Variants in WDR27 observed in about 807,000 individuals in gnomAD.
WDR27 encodes the protein WD repeat domain 27, also known as WD repeat-containing protein 27.
In WDR27, 100 loss-of-function variants were observed where a neutral mutation model predicts 114.4. That is an observed-to-expected ratio of 0.87 (90% CI 0.74 to 1.03). The LOEUF (loss-of-function observed/expected upper bound fraction) is 1.03, where lower values mean the gene tolerates loss of function less well. Among genes scored for constraint, WDR27 ranks in the 50% least tolerant of loss-of-function variants. The pLI is 0.00. For missense variants in WDR27, 1,129 were observed against 1,092.9 expected, an observed-to-expected ratio of 1.03 and a Z score of -0.47; for synonymous variants, 449 against 423.1, an observed-to-expected ratio of 1.06 and a Z score of -0.75.
intron 2 of WDR27, among the ~76,000 whole-genome samples, chr6:169,674,452 G>A (rs1315559039): frequency 6.6e-6 from 1 of 152,148 alleles, no homozygotes; most frequent in Non-Finnish European, 1.5e-5. Context: ...AAAACACTTA[G>A]TGGGATTAAC....
intron 25 of WDR27, among the ~76,000 whole-genome samples, chr6:169,553,247 G>A (rs555790936): frequency 4.6e-5 from 7 of 152,146 alleles, no homozygotes; most frequent in African/African-American, 1.4e-4. Flanking sequence ...CCTGCTCTAG[G>A]GAGCCGCCGA....
In WDR27 at chr6:169,509,361, G is replaced by A. The variant is rs1210263226; in HGVS notation, c.2646-51727C>T. 4.6e-5 allele frequency among the ~76,000 whole-genome samples: 7 copies of A among 152,120 alleles called. No individual in the cohort carries two copies. In the East Asian group the frequency reaches 7.7e-4, roughly 17 times the overall value. ...AAAAGAACAAAGCTGAAGGCATCAC[G>A]CTACCTGACTTCAAACTATACTACA... On this transcript the variant is annotated intron_variant, in intron 25 of 25. Transcript: ENST00000448612.
At chr6:169,583,009 GGACCATCTATA>G in intron 23 of WDR27, 75 bp from the exon 24 acceptor site, 1 of 1,305,914 alleles carries the variant, frequency 7.7e-7, no homozygotes, top group Non-Finnish European at 1.1e-6. Context: ...CAGAGCAGAG[GGACCATCTATA>G]GATTAGTGTA....
chr6:169,624,257 G>A (rs75729216), intron 21 of WDR27, among the ~76,000 whole-genome samples: 3,388 of 151,468 alleles, frequency 0.022, 71 homozygotes, highest in East Asian at 0.088. Context: ...CGTCAGGTGC[G>A]CAGTGTGTGG....
intron 21 of WDR27, among the ~76,000 whole-genome samples, chr6:169,615,730 T>C (rs1811668307): frequency 6.6e-6 from 1 of 152,138 alleles, no homozygotes; most frequent in African/African-American, 2.4e-5. Context: ...GGCAAAGATT[T>C]CATGACAAAG....
Position 169,687,294 on chromosome 6 carries a change from CAT to C in WDR27, c.189+1521_189+1522del, listed in dbSNP as rs1210291606. Among the ~76,000 whole-genome samples the C allele has an allele frequency of 5.3e-5, 8 of 151,964 alleles. No homozygotes were observed. In the East Asian group the frequency reaches 1.2e-3, roughly 22 times the overall value. On this transcript the variant is annotated intron_variant, in intron 2 of 25. Coordinates refer to ENST00000448612, the MANE Select transcript of WDR27 (RefSeq NM_182552.5). ...TACATGTCAATAAAAATTAAATTGC[CAT>C]ATGATTCTATTTACATAAAACTCTA...
intron 1 of WDR27, 106 bp from the exon 2 acceptor site, chr6:169,689,118 A>G: frequency 1.5e-6 from 1 of 646,370 alleles, no homozygotes; most frequent in East Asian, 3.1e-5. Context: ...CACATATACC[A>G]CATCATACCT....
At chr6:169,505,068 A>G (rs1005486001) in intron 25 of WDR27, among the ~76,000 whole-genome samples, 1 of 152,242 alleles carries the variant, frequency 6.6e-6, no homozygotes, top group Non-Finnish European at 1.5e-5. Context: ...GGCTACAATT[A>G]TATCTGTGAA....
intron 17 of WDR27, 95 bp from the exon 18 acceptor site, chr6:169,638,755 G>A: frequency 6.8e-7 from 1 of 1,460,494 alleles, no homozygotes; most frequent in Non-Finnish European, 9.2e-7. Context: ...AACACAACTG[G>A]AACAGCATTT....
chr6:169,667,407 C>A, intron 5 of WDR27: 1 of 1,216,832 alleles, frequency 8.2e-7, no homozygotes, highest in Non-Finnish European at 1.0e-6. Context: ...AAATAAAACC[C>A]TGGTGGATTT....
intron 25 of WDR27, among the ~76,000 whole-genome samples, chr6:169,470,353 C>T (rs1485746059): frequency 6.6e-6 from 1 of 152,238 alleles, no homozygotes; most frequent in African/African-American, 2.4e-5. Flanking sequence ...TCACAACTCC[C>T]CCAGACTCTA....
intron 25 of WDR27, among the ~76,000 whole-genome samples, chr6:169,476,480 T>C (rs1435086980): frequency 6.6e-6 from 1 of 152,214 alleles, no homozygotes; most frequent in East Asian, 1.9e-4. Context: ...CACCAATAAA[T>C]AGTCTGGGCT....
intron 14 of WDR27, among the ~76,000 whole-genome samples, chr6:169,649,669 T>C (rs933166212): frequency 1.3e-5 from 2 of 151,936 alleles, no homozygotes; most frequent in African/African-American, 2.4e-5. Context: ...GGGGAATCCA[T>C]ACAAAGCTGC....
chr6:169,511,766 C>T (rs1319548695), intron 25 of WDR27, among the ~76,000 whole-genome samples: 1 of 152,078 alleles, frequency 6.6e-6, no homozygotes, highest in Non-Finnish European at 1.5e-5. Context: ...ATATCTTCAG[C>T]TACTATTCAT....
At chr6:169,527,371 T>C (rs538504288) in intron 25 of WDR27, among the ~76,000 whole-genome samples, 1 of 151,224 alleles carries the variant, frequency 6.6e-6, no homozygotes, top group African/African-American at 2.4e-5. Context: ...ATAAAAGAGG[T>C]CAGACACAAA....
intron 25 of WDR27, among the ~76,000 whole-genome samples, chr6:169,541,110 A>G (rs1412529896): frequency 6.6e-6 from 1 of 151,324 alleles, no homozygotes; most frequent in Non-Finnish European, 1.5e-5. Context: ...AAAATGTAAT[A>G]AGGACCATTA....
chr6:169,517,370 T>C (rs1463387488), intron 25 of WDR27, among the ~76,000 whole-genome samples: 3 of 152,198 alleles, frequency 2.0e-5, no homozygotes, highest in African/African-American at 7.2e-5. Flanking sequence ...CCTCAGGTAT[T>C]TCTTTATAGC....
intron 25 of WDR27, among the ~76,000 whole-genome samples, chr6:169,488,120 C>CT (rs1467908071): frequency 6.6e-4 from 101 of 152,294 alleles, no homozygotes; most frequent in African/African-American, 2.3e-3. Flanking sequence ...GGCATAAAGG[C>CT]ACAGAAACCA....
intron 25 of WDR27, among the ~76,000 whole-genome samples, chr6:169,487,098 G>A (rs1466000228): frequency 3.3e-5 from 5 of 152,152 alleles, no homozygotes; most frequent in Non-Finnish European, 7.4e-5. Context: ...GTCATCTAAG[G>A]AAAGTTACGG....
Sources: gnomAD v4.1 joint callset for allele counts (sites outside exome capture counted in the v4.1 genomes callset) on GRCh38, gnomAD v4.1.1 for gene constraint, MANE v1.5 for transcripts, NCBI Gene and HGNC (gene_info 2026-07-23, HGNC 2026-07-21) for gene names.